PAPSS2: variants seen among roughly 807,000 people sequenced by gnomAD.
PAPSS2 encodes the protein 3'-phosphoadenosine 5'-phosphosulfate synthase 2.
In PAPSS2, 61 loss-of-function variants were observed where a neutral mutation model predicts 66.5. The observed-to-expected ratio is 0.92, with a 90% CI of 0.75 to 1.14. The LOEUF is 1.14. Ranked by LOEUF, PAPSS2 falls within the 50% of genes most tolerant of loss-of-function variation. PAPSS2 has a pLI of 0.00. For missense variants in PAPSS2, 708 were observed against 789.6 expected (o/e 0.90, Z 1.24); for synonymous variants, 289 against 287.5 (o/e 1.01, Z -0.05).
At chr10:87,674,025 C>T (rs988596828) in intron 1 of PAPSS2, among the ~76,000 whole-genome samples, 1 of 152,070 alleles carries the variant, frequency 6.6e-6, no homozygotes, top group Non-Finnish European at 1.5e-5. Flanking sequence ...ATGAAGTGCT[C>T]ATTGAGTGCT....
Position 87,746,259 on chromosome 10 carries a change from A to C in PAPSS2, c.*289A>C, listed in dbSNP as rs1299654164. On this transcript the variant is annotated 3_prime_UTR_variant, in exon 13 of 13. Transcript: ENST00000456849. ...CTGCACCTGAGCAGGCAGGTCCCAG[A>C]TTTCTTAAGGCTTTGTTTGACCATG... is the stretch of plus-strand genomic sequence containing the variant. 2 of 219,026 alleles carry C rather than the reference A, an allele frequency of 9.1e-6. No homozygotes were observed. The highest frequency in any genetic ancestry group is 4.7e-5 in the African/African-American group (2 of 42,282). The allele number at this position is 219,026 out of a possible 1,614,324, so 13.6% of individuals were successfully genotyped here. A position where few individuals can be genotyped will look rare whatever the true frequency, so the allele number is the denominator to read the frequency against.
chr10:87,691,822 G>A (rs144251483), intron 1 of PAPSS2, among the ~76,000 whole-genome samples: 85 of 152,164 alleles, frequency 5.6e-4, no homozygotes, highest in African/African-American at 1.5e-3. Context: ...AGGTATGGTC[G>A]GTGCACACCT....
chr10:87,699,026 G>C (rs1853269514), intron 1 of PAPSS2, among the ~76,000 whole-genome samples: 1 of 152,206 alleles, frequency 6.6e-6, no homozygotes, highest in South Asian at 2.1e-4. Flanking sequence ...CCTTCTTGCT[G>C]TTCAGCTGTT....
intron 1 of PAPSS2, among the ~76,000 whole-genome samples, chr10:87,682,012 C>T (rs1020525577): frequency 6.6e-6 from 1 of 152,066 alleles, no homozygotes; most frequent in Non-Finnish European, 1.5e-5. Flanking sequence ...ATTTTTGAAG[C>T]GTGGCTAGAT....
At chr10:87,706,108 A>ATATATATATATATGTGTGTGTGTGTGTG in intron 1 of PAPSS2, among the ~76,000 whole-genome samples, 4 of 51,998 alleles carry the variant, frequency 7.7e-5, no homozygotes, top group Admixed American at 2.0e-4. Context: ...ATATATATAT[A>ATATATATATATATGTGTGTGTGTGTGTG]TGTGTGTGTG....
chr10:87,738,300 T>G (rs1853824496), intron 9 of PAPSS2, among the ~76,000 whole-genome samples: 1 of 152,200 alleles, frequency 6.6e-6, no homozygotes, highest in African/African-American at 2.4e-5. Context: ...CCATACTGTT[T>G]TCCATAGTGG....
chr10:87,706,785 A>C (rs1853396565), intron 1 of PAPSS2, among the ~76,000 whole-genome samples: 1 of 151,940 alleles, frequency 6.6e-6, no homozygotes, highest in African/African-American at 2.4e-5. Context: ...AACAAAGCCC[A>C]AAACAGAATA....
At chr10:87,708,511 C>T (rs191296164) in intron 1 of PAPSS2, among the ~76,000 whole-genome samples, 4 of 152,194 alleles carry the variant, frequency 2.6e-5, no homozygotes, top group African/African-American at 7.2e-5. Context: ...GATCAACCAC[C>T]CCCACCCTAG....
At chr10:87,689,676 AAAAAAAG>A (rs931691987) in intron 1 of PAPSS2, among the ~76,000 whole-genome samples, 2 of 149,920 alleles carry the variant, frequency 1.3e-5, no homozygotes, top group Non-Finnish European at 3.0e-5. Context: ...TCAAAAAAAA[AAAAAAAG>A]AAAAAAAAAA....
In PAPSS2 at chr10:87,737,787, G is replaced by A. The variant is rs576987849; in HGVS notation, c.1087-3448G>A. On this transcript the variant is annotated intron_variant, in intron 9 of 12. Coordinates refer to ENST00000456849, the MANE Select transcript of PAPSS2 (RefSeq NM_001015880.2). ...GCAGTGAGCTACTGCATGCCAGCCT[G>A]GTGACAGAGTGAGACCTGCCTCAAA... Among the ~76,000 whole-genome samples, 3 of 152,222 alleles carry A rather than the reference G, an allele frequency of 2.0e-5. No homozygotes were observed. The East Asian group carries it at 5.8e-4, about 29-fold the overall frequency.
chr10:87,727,635 C>A (rs1319340549), intron 9 of PAPSS2, 146 bp downstream of exon 9: 7 of 756,888 alleles, frequency 9.2e-6, no homozygotes, highest in Non-Finnish European at 2.3e-6. Context: ...GCAGGCTTTG[C>A]CTCAGGAGAT....
At chr10:87,680,852 G>A (rs1053508659) in intron 1 of PAPSS2, among the ~76,000 whole-genome samples, 3 of 151,980 alleles carry the variant, frequency 2.0e-5, no homozygotes, top group African/African-American at 4.8e-5. Context: ...GGAATTCTAC[G>A]TTATACAATC....
intron 9 of PAPSS2, 35 bp downstream of exon 9, chr10:87,727,524 G>A: frequency 6.5e-7 from 1 of 1,540,192 alleles, no homozygotes; most frequent in Non-Finnish European, 8.9e-7. Flanking sequence ...ACTTTCTTGA[G>A]CTATTTAAAC....
rs181248887 is a variant in PAPSS2 at position 87,695,739 on chromosome 10, T to C, written c.28-13457T>C. ...TGCGGATACATAATTAGATCAATGA[T>C]ACATAATTAGAGAGGAAGGAGAGCA... is the stretch of plus-strand genomic sequence containing the variant. On this transcript the variant is annotated intron_variant, in intron 1 of 12. Transcript: ENST00000456849. Among the ~76,000 whole-genome samples, 29 of 152,218 alleles carry C rather than the reference T, an allele frequency of 1.9e-4. No homozygotes were observed. In the East Asian group the frequency reaches 5.6e-3, roughly 29 times the overall value.
intron 7 of PAPSS2, among the ~76,000 whole-genome samples, chr10:87,721,371 C>T (rs1245354443): frequency 2.0e-5 from 3 of 152,024 alleles, no homozygotes; most frequent in African/African-American, 7.3e-5. Flanking sequence ...GGAAACTATT[C>T]TACAGTGGTT....
intron 9 of PAPSS2, among the ~76,000 whole-genome samples, chr10:87,729,236 C>CT (rs36029935): frequency 0.013 from 608 of 47,882 alleles, 2 homozygotes; most frequent in Admixed American, 0.017. Flanking sequence ...CTTTTCTTTT[C>CT]TTTTTTTTTT....
At chr10:87,662,126 G>A (rs756063980) in intron 1 of PAPSS2, among the ~76,000 whole-genome samples, 29 of 152,142 alleles carry the variant, frequency 1.9e-4, no homozygotes, top group Non-Finnish European at 3.5e-4. Context: ...GATCTTTTAC[G>A]GTCTTATAGG....
intron 9 of PAPSS2, among the ~76,000 whole-genome samples, chr10:87,740,078 G>A (rs1304459102): frequency 1.3e-5 from 2 of 152,146 alleles, no homozygotes; most frequent in Non-Finnish European, 2.9e-5. Context: ...ATAAACTATG[G>A]TTATTCAGAT....
In PAPSS2 at chr10:87,661,033, T is replaced by G. The variant is rs927823730; in HGVS notation, c.27+1025T>G. The G allele has an allele frequency of 1.8e-5, 8 of 455,998 alleles. No individual in the cohort carries two copies. In the Middle Eastern group the frequency reaches 9.8e-4, roughly 56 times the overall value. The allele number at this position is 455,998 out of a possible 1,614,324, so 28.2% of individuals were successfully genotyped here. On this transcript the variant is annotated intron_variant, in intron 1 of 12. Coordinates refer to ENST00000456849, the MANE Select transcript of PAPSS2 (RefSeq NM_001015880.2). ...AATGGGTTGACCTCTCTCTAGTAGA[T>G]AGACGTGCAATGGACACATAGTAGG...
Sources: gnomAD v4.1 joint callset for allele counts (sites outside exome capture counted in the v4.1 genomes callset) on GRCh38, gnomAD v4.1.1 for gene constraint, MANE v1.5 for transcripts, NCBI Gene and HGNC (gene_info 2026-07-23, HGNC 2026-07-21) for gene names.